The following WWOX variants were observed in gnomAD, a reference collection of about 807,000 sequenced individuals.
WWOX encodes the protein WW domain containing oxidoreductase.
A neutral mutation model predicts 46.2 loss-of-function variants in WWOX; 69 were observed. The ratio of observed to expected loss-of-function variants is 1.49; its 90% CI spans 1.23 to 1.82. WWOX has a LOEUF of 1.82. WWOX is among the 40% of genes most tolerant of loss of function. The pLI is 0.00. For missense variants in WWOX, 919 were observed against 542.6 expected (o/e 1.69, Z -6.89); for synonymous variants, 359 against 202.6 (o/e 1.77, Z -6.56).
At chr16:78,681,977 C>A (rs2047740712) in intron 8 of WWOX, among the ~76,000 whole-genome samples, 1 of 152,194 alleles carries the variant, frequency 6.6e-6, no homozygotes, top group Admixed American at 6.5e-5. Context: ...CTGATGCTTA[C>A]AGCTCTCAGA....
At chr16:79,064,649 A>T (rs1170519847) in intron 8 of WWOX, among the ~76,000 whole-genome samples, 1 of 152,192 alleles carries the variant, frequency 6.6e-6, no homozygotes, top group Non-Finnish European at 1.5e-5. Flanking sequence ...GGCACTGCCA[A>T]CCTCTTCGTG....
At chr16:78,895,797 A>C (rs1396599553) in intron 8 of WWOX, 1 of 152,252 alleles carries the variant, frequency 6.6e-6, no homozygotes, top group East Asian at 1.9e-4. Flanking sequence ...AAGTTTTCTT[A>C]AGAACAATGT....
chr16:78,822,842 G>C (rs1474332009), intron 8 of WWOX, among the ~76,000 whole-genome samples: 2 of 151,722 alleles, frequency 1.3e-5, no homozygotes, highest in African/African-American at 2.4e-5. Context: ...TCCTAAAGAA[G>C]AGTCATTTGT....
intron 8 of WWOX, among the ~76,000 whole-genome samples, chr16:78,839,935 C>T (rs1318825737): frequency 6.6e-6 from 1 of 152,190 alleles, no homozygotes; most frequent in East Asian, 1.9e-4. Context: ...TTCTAGTTAA[C>T]CATATATTAT....
At chr16:79,179,360 A>C (rs1469183683) in intron 8 of WWOX, among the ~76,000 whole-genome samples, 2 of 152,156 alleles carry the variant, frequency 1.3e-5, no homozygotes, top group Non-Finnish European at 2.9e-5. Flanking sequence ...ATCACGCCTT[A>C]TTCCTAGGCA....
intron 8 of WWOX, among the ~76,000 whole-genome samples, chr16:78,787,558 A>G (rs893038726): frequency 5.9e-5 from 9 of 152,050 alleles, no homozygotes; most frequent in Non-Finnish European, 1.3e-4. Flanking sequence ...TTGTTTATCC[A>G]TTTGCCAGTG....
intron 8 of WWOX, among the ~76,000 whole-genome samples, chr16:78,767,340 G>T (rs1455308483): frequency 3.3e-5 from 5 of 151,688 alleles, no homozygotes; most frequent in African/African-American, 1.2e-4. Flanking sequence ...TTGCCGTGTT[G>T]CCCTGGCTGA....
intron 8 of WWOX, among the ~76,000 whole-genome samples, chr16:78,885,007 C>G (rs1239482105): frequency 4.6e-5 from 7 of 152,220 alleles, no homozygotes; most frequent in Admixed American, 2.0e-4. Context: ...AGCTGTGTCA[C>G]TGGGCAGTTG....
At chr16:78,234,811 A>C (rs2037384432) in intron 5 of WWOX, among the ~76,000 whole-genome samples, 5 of 151,354 alleles carry the variant, frequency 3.3e-5, no homozygotes. Context: ...ACAAAAAAAA[A>C]CCCACACAGG....
At chr16:79,143,875 T>C (rs913653818) in intron 8 of WWOX, among the ~76,000 whole-genome samples, 5 of 152,152 alleles carry the variant, frequency 3.3e-5, no homozygotes, top group African/African-American at 1.2e-4. Context: ...CACCATGTTA[T>C]ACCCACCCAT....
chr16:78,677,083 G>GT (rs1408751327), intron 8 of WWOX, among the ~76,000 whole-genome samples: 1 of 151,578 alleles, frequency 6.6e-6, no homozygotes, highest in Non-Finnish European at 1.5e-5. Context: ...ACCATGAGCT[G>GT]TTTTTGCATT....
At chr16:78,460,314 G>T (rs941415205) in intron 8 of WWOX, among the ~76,000 whole-genome samples, 5 of 152,070 alleles carry the variant, frequency 3.3e-5, no homozygotes, top group African/African-American at 1.2e-4. Flanking sequence ...TTTTAGTAGA[G>T]GCGGAGTTTC....
intron 5 of WWOX, among the ~76,000 whole-genome samples, chr16:78,213,555 G>T (rs1000094323): frequency 3.3e-5 from 5 of 151,904 alleles, no homozygotes; most frequent in Admixed American, 6.6e-5. Flanking sequence ...TATTTTTAAT[G>T]TGACTGAGAA....
rs141292898 is a variant in WWOX, at chr16:78,137,315, T to A, written c.409+22161T>A. ...GATAACTAGACGTGCTGTTTTGACG[T>A]CTATGCTTTCCAGCTTGCCAATTCT... On this transcript the variant is annotated intron_variant, in intron 4 of 8. Transcript: ENST00000566780. Among the ~76,000 whole-genome samples, 4 of 152,302 alleles carry A rather than the reference T, an allele frequency of 2.6e-5. No homozygotes were observed. In the East Asian group the frequency reaches 7.7e-4, roughly 29 times the overall value.
intron 6 of WWOX, among the ~76,000 whole-genome samples, chr16:78,389,102 A>G (rs1415103868): frequency 1.3e-5 from 2 of 152,204 alleles, no homozygotes; most frequent in Admixed American, 6.5e-5. Context: ...GCTGGCTTGT[A>G]GGAACAGTGA....
intron 8 of WWOX, among the ~76,000 whole-genome samples, chr16:78,745,828 C>T (rs556586356): frequency 1.3e-5 from 2 of 151,802 alleles, no homozygotes; most frequent in African/African-American, 2.4e-5. Context: ...GGCTAGTTTA[C>T]AGATAAAATG....
chr16:78,755,595 C>G (rs1303112394), intron 8 of WWOX, among the ~76,000 whole-genome samples: 3 of 152,162 alleles, frequency 2.0e-5, no homozygotes, highest in African/African-American at 7.2e-5. Flanking sequence ...CTCTCAGTGC[C>G]ACACACCCAC....
chr16:78,826,790 G>C (rs1300486092), intron 8 of WWOX, among the ~76,000 whole-genome samples: 1 of 152,078 alleles, frequency 6.6e-6, no homozygotes, highest in Non-Finnish European at 1.5e-5. Flanking sequence ...AGGTTTGAGG[G>C]GTGGTATGAG....
intron 8 of WWOX, among the ~76,000 whole-genome samples, chr16:79,047,672 A>ACTTTTTTTTT (rs529812201): frequency 1.1e-4 from 6 of 53,522 alleles, no homozygotes; most frequent in African/African-American, 4.6e-4. Flanking sequence ...GACTGTCCTG[A>ACTTTTTTTTT]TTTTTTTTTT....
Sources: allele counts gnomAD v4.1 joint callset (sites outside exome capture counted in the v4.1 genomes callset), GRCh38; gene constraint gnomAD v4.1.1; transcripts MANE v1.5; gene names NCBI Gene and HGNC (gene_info 2026-07-23, HGNC 2026-07-21).